TBC1D32: variants seen among roughly 807,000 people sequenced by gnomAD.
TBC1D32 encodes the protein TBC1 domain family member 32, also known as protein broad-minded.
TBC1D32 carries 151 observed loss-of-function variants against 170.3 expected under a neutral mutation model. The observed-to-expected ratio is 0.89, with a 90% confidence interval of 0.78 to 1.01. The LOEUF (loss-of-function observed/expected upper bound fraction) is 1.01, where lower values mean the gene tolerates loss of function less well. Ranked by LOEUF, TBC1D32 falls within the 50% of genes least tolerant of loss-of-function variation. The pLI is 0.00. For missense variants in TBC1D32, 1,464 were observed against 1,457.1 expected (o/e 1.00, Z -0.08); for synonymous variants, 498 against 488.0 (o/e 1.02, Z -0.27).
chr6:121,261,984 A>G (rs1799826834), intron 15 of TBC1D32, among the ~76,000 whole-genome samples: 1 of 152,158 alleles, frequency 6.6e-6, no homozygotes, highest in South Asian at 2.1e-4. Context: ...AACTCTGTGA[A>G]TCATACACAA....
At chr6:121,121,880 A>G (rs1395841463) in intron 26 of TBC1D32, among the ~76,000 whole-genome samples, 1 of 152,052 alleles carries the variant, frequency 6.6e-6, no homozygotes, top group Admixed American at 6.6e-5. Context: ...TTACAATGAG[A>G]TGTATTGGCT....
At chr6:121,326,673 A>G (rs1476763104) in intron 1 of TBC1D32, among the ~76,000 whole-genome samples, 1 of 152,160 alleles carries the variant, frequency 6.6e-6, no homozygotes, top group Non-Finnish European at 1.5e-5. Context: ...AAATGCTTCC[A>G]GGTTTTAGTC....
chr6:121,143,350 T>G (rs1206847417), intron 24 of TBC1D32, among the ~76,000 whole-genome samples: 2 of 152,126 alleles, frequency 1.3e-5, no homozygotes, highest in Non-Finnish European at 2.9e-5. Flanking sequence ...AAAATGTTCA[T>G]AAAGAAAAAC....
rs1250977198 is a variant in TBC1D32, at chr6:121,256,069, C to T, written c.1935+15G>A. The stretch of plus-strand genomic sequence containing the variant: ...AGATTTGCAGGGAGAAAAAACGAAG[C>T]TTGAAAATACTTACCTTTTTCCATG... On this transcript the variant is annotated intron_variant, in intron 16 of 31. Coordinates refer to ENST00000398212, the MANE Select transcript of TBC1D32 (RefSeq NM_152730.6). 3 of 1,597,554 alleles carry T rather than the reference C, an allele frequency of 1.9e-6. No homozygotes were observed. The highest frequency in any genetic ancestry group is 2.3e-5 in the South Asian group (2 of 87,388).
intron 1 of TBC1D32, among the ~76,000 whole-genome samples, chr6:121,327,728 C>T (rs1254229949): frequency 6.6e-6 from 1 of 152,086 alleles, no homozygotes; most frequent in African/African-American, 2.4e-5. Flanking sequence ...TGGTGTTAAC[C>T]TTTTAACATT....
chr6:121,331,216 G>A (rs1271151932), intron 1 of TBC1D32, among the ~76,000 whole-genome samples: 1 of 151,862 alleles, frequency 6.6e-6, no homozygotes, highest in African/African-American at 2.4e-5. Flanking sequence ...TGTTGTTGTT[G>A]TTGTTTTTGA....
intron 22 of TBC1D32, among the ~76,000 whole-genome samples, chr6:121,183,214 G>C (rs916531963): frequency 6.6e-6 from 1 of 151,992 alleles, no homozygotes; most frequent in African/African-American, 2.4e-5. Context: ...GTACACCGAA[G>C]GAAAGACAGT....
intron 21 of TBC1D32, among the ~76,000 whole-genome samples, chr6:121,222,268 A>C (rs1017476328): frequency 6.6e-6 from 1 of 152,166 alleles, no homozygotes; most frequent in East Asian, 1.9e-4. Flanking sequence ...GAAAACAAAA[A>C]ATTTGTGTGA....
At chr6:121,223,395 C>A (rs1415936829) in intron 20 of TBC1D32, 43 bp from the exon 21 acceptor site, 2 of 1,310,964 alleles carry the variant, frequency 1.5e-6, no homozygotes, top group South Asian at 2.5e-5. Flanking sequence ...TCACTTTTGT[C>A]AACCACATCC....
At chr6:121,324,188 A>G (rs7740630) in intron 1 of TBC1D32, among the ~76,000 whole-genome samples, 150,567 of 152,298 alleles carry the variant, frequency 0.99, 74,462 homozygotes, top group East Asian at 1. Flanking sequence ...AAGATATTTT[A>G]TAGTTGTAAA....
At chr6:121,314,852 T>C (rs1390892555) in intron 3 of TBC1D32, among the ~76,000 whole-genome samples, 1 of 152,294 alleles carries the variant, frequency 6.6e-6, no homozygotes, top group East Asian at 1.9e-4. Context: ...CTGAATGGTG[T>C]CCATTTCAGC....
chr6:121,126,324 ATTATC>A, intron 26 of TBC1D32, 49 bp downstream of exon 26: 5 of 1,317,950 alleles, frequency 3.8e-6, no homozygotes, highest in Non-Finnish European at 5.4e-6. Flanking sequence ...ATCTCCATTA[ATTATC>A]TAGTTACATA....
intron 31 of TBC1D32, among the ~76,000 whole-genome samples, chr6:121,085,296 CATACATATAT>C (rs1395419254): frequency 7.1e-6 from 1 of 140,762 alleles, no homozygotes; most frequent in Non-Finnish European, 1.5e-5. Context: ...TACATATATA[CATACATATAT>C]ATACATATAT....
intron 22 of TBC1D32, among the ~76,000 whole-genome samples, chr6:121,181,359 G>T (rs971416280): frequency 6.6e-6 from 1 of 151,952 alleles, no homozygotes; most frequent in Admixed American, 6.6e-5. Context: ...GTTCTCATAA[G>T]ATCTAGTTGT....
At chr6:121,097,265 A>C (rs1017094496) in intron 30 of TBC1D32, among the ~76,000 whole-genome samples, 3 of 152,200 alleles carry the variant, frequency 2.0e-5, no homozygotes, top group Non-Finnish European at 2.9e-5. Context: ...TAGGCAACCT[A>C]CAGAATGGGA....
intron 22 of TBC1D32, among the ~76,000 whole-genome samples, chr6:121,173,622 C>CA (rs58136618): frequency 0.12 from 17,662 of 151,470 alleles, 1,475 homozygotes; most frequent in Admixed American, 0.23. Flanking sequence ...CCAGAAGTCA[C>CA]AAAAAACTCT....
At chr6:121,080,987 C>T in intron 31 of TBC1D32, 97 bp from the exon 32 acceptor site, 1 of 1,437,280 alleles carries the variant, frequency 7.0e-7, no homozygotes, top group Non-Finnish European at 9.4e-7. Context: ...TTATTTTCAG[C>T]TATAGATGGG....
chr6:121,126,760 AAATCACT>A (rs1357684230), intron 25 of TBC1D32, among the ~76,000 whole-genome samples: 1 of 152,150 alleles, frequency 6.6e-6, no homozygotes, highest in Non-Finnish European at 1.5e-5. Context: ...CTGAAAAAAA[AAATCACT>A]AATTATGCTA....
At chr6:121,177,404 T>C (rs12110608) in intron 22 of TBC1D32, among the ~76,000 whole-genome samples, 2,735 of 152,262 alleles carry the variant, frequency 0.018, 84 homozygotes, top group African/African-American at 0.062. Flanking sequence ...TCCACCATGA[T>C]TGGACGCTTC....
Sources: allele counts gnomAD v4.1 joint callset (sites outside exome capture counted in the v4.1 genomes callset), GRCh38; gene constraint gnomAD v4.1.1; transcripts MANE v1.5; gene names NCBI Gene and HGNC (gene_info 2026-07-23, HGNC 2026-07-21).